Variants in TOX observed in about 807,000 individuals in gnomAD.
TOX encodes thymocyte selection-associated high mobility group box protein TOX.
In TOX, 11 loss-of-function variants were observed where a neutral mutation model predicts 53.7. That is an observed-to-expected ratio of 0.20 (90% CI 0.13 to 0.34). The LOEUF (loss-of-function observed/expected upper bound fraction) is 0.34, where lower values mean the gene tolerates loss of function less well. Among genes scored for constraint, TOX ranks in the 10% least tolerant of loss-of-function variants. TOX has a pLI of 1.00. For missense variants in TOX, 570 were observed against 664.6 expected (o/e 0.86, Z 1.56); for synonymous variants, 225 against 245.3 (o/e 0.92, Z 0.77).
In TOX at chr8:59,040,327, T is replaced by TG. The variant is rs1803554656; in HGVS notation, c.102+78558_102+78559insC. 1.6e-4 allele frequency among the ~76,000 whole-genome samples: 3 copies of TG among 18,428 alleles called. No individual in the cohort carries two copies. The Admixed American group carries it at 2.5e-3, about 15-fold the overall frequency. The allele number at this position is 18,428 out of a possible 152,430, so 12.1% of individuals were successfully genotyped here. On this transcript the variant is annotated intron_variant, in intron 1 of 8. Coordinates refer to ENST00000361421, the MANE Select transcript of TOX (RefSeq NM_014729.3). The stretch of plus-strand genomic sequence containing the variant: ...CTGGGCGACAGAGCGAGACTCCGTC[T>TG]CAAAAAAAAAAAAAAAAAAAAAAGA...
intron 1 of TOX, among the ~76,000 whole-genome samples, chr8:59,109,665 T>A (rs1804977675): frequency 2.0e-5 from 3 of 152,142 alleles, no homozygotes; most frequent in Admixed American, 2.0e-4. Flanking sequence ...ACTAGGCAAA[T>A]TATCTCTTAT....
intron 1 of TOX, among the ~76,000 whole-genome samples, chr8:59,034,112 C>T (rs1221333759): frequency 6.6e-6 from 1 of 152,164 alleles, no homozygotes; most frequent in East Asian, 1.9e-4. Flanking sequence ...TCTTGAAAAC[C>T]CTTCCTGCAA....
intron 6 of TOX, among the ~76,000 whole-genome samples, chr8:58,823,194 C>T (rs547529651): frequency 6.1e-4 from 93 of 152,172 alleles, no homozygotes; most frequent in African/African-American, 2.1e-3. Flanking sequence ...AATTAATCTG[C>T]TGGATTAGAT....
intron 1 of TOX, among the ~76,000 whole-genome samples, chr8:58,976,064 C>T (rs1391962390): frequency 1.0e-5 from 1 of 96,758 alleles, no homozygotes; most frequent in Non-Finnish European, 2.4e-5. Context: ...GAGTGAGACT[C>T]CGTCTAATAA....
chr8:58,896,604 G>T (rs1164153508), intron 3 of TOX, among the ~76,000 whole-genome samples: 1 of 152,152 alleles, frequency 6.6e-6, no homozygotes, highest in Non-Finnish European at 1.5e-5. Context: ...GAACCAGGGA[G>T]TCGGAGGTTG....
intron 1 of TOX, among the ~76,000 whole-genome samples, chr8:58,966,209 A>C (rs1488269530): frequency 6.6e-6 from 1 of 152,114 alleles, no homozygotes; most frequent in African/African-American, 2.4e-5. Flanking sequence ...ACAAGTCTTA[A>C]GTCAGTCTGC....
At chr8:59,070,465 A>G (rs1031296718) in intron 1 of TOX, among the ~76,000 whole-genome samples, 2 of 151,498 alleles carry the variant, frequency 1.3e-5, no homozygotes, top group African/African-American at 4.9e-5. Context: ...TTCAGATTCC[A>G]TAAGACAGTA....
At chr8:58,821,295 C>T (rs1313510380) in intron 6 of TOX, among the ~76,000 whole-genome samples, 6 of 151,816 alleles carry the variant, frequency 4.0e-5, no homozygotes, top group African/African-American at 1.2e-4. Context: ...GCAAATCTTT[C>T]CCCCCTCCTT....
At chr8:58,830,502 T>C (rs113417806) in intron 5 of TOX, among the ~76,000 whole-genome samples, 1 of 152,160 alleles carries the variant, frequency 6.6e-6, no homozygotes, top group African/African-American at 2.4e-5. Flanking sequence ...CTAATTGAAA[T>C]CAGCAGTTCA....
intron 2 of TOX, among the ~76,000 whole-genome samples, chr8:58,942,576 G>C (rs1812460435): frequency 6.6e-6 from 1 of 152,038 alleles, no homozygotes; most frequent in Non-Finnish European, 1.5e-5. Context: ...AAATGTCCCA[G>C]AACTTAGAAC....
At chr8:59,107,775 C>T (rs1021169074) in intron 1 of TOX, among the ~76,000 whole-genome samples, 6 of 152,074 alleles carry the variant, frequency 3.9e-5, no homozygotes, top group Admixed American at 3.9e-4. Context: ...TCCATATGAA[C>T]GTATTCTGAA....
intron 1 of TOX, among the ~76,000 whole-genome samples, chr8:59,056,865 T>C (rs1390091618): frequency 1.3e-5 from 2 of 152,220 alleles, no homozygotes; most frequent in East Asian, 3.9e-4. Context: ...CCGTTTTAAC[T>C]AGCTGCTTGG....
At chr8:59,100,842 G>A (rs1234336738) in intron 1 of TOX, among the ~76,000 whole-genome samples, 1 of 151,992 alleles carries the variant, frequency 6.6e-6, no homozygotes, top group African/African-American at 2.4e-5. Context: ...AAAGAGTTGA[G>A]CATGAACTCC....
At chr8:59,070,626 G>T (rs976873991) in intron 1 of TOX, among the ~76,000 whole-genome samples, 10 of 151,692 alleles carry the variant, frequency 6.6e-5, no homozygotes, top group South Asian at 2.1e-4. Context: ...TCTCAGTCTT[G>T]GTTAGAAGGA....
intron 3 of TOX, among the ~76,000 whole-genome samples, chr8:58,897,589 C>A (rs1009621850): frequency 6.6e-6 from 1 of 152,118 alleles, no homozygotes; most frequent in Non-Finnish European, 1.5e-5. Context: ...AAGATCCTGG[C>A]AACTGTCAGT....
At chr8:58,880,584 TTCTC>T (rs1811367197) in intron 3 of TOX, among the ~76,000 whole-genome samples, 2 of 152,280 alleles carry the variant, frequency 1.3e-5, no homozygotes, top group South Asian at 4.1e-4. Flanking sequence ...AATGCAGGCA[TTCTC>T]TCTCTTTCTG....
intron 6 of TOX, among the ~76,000 whole-genome samples, chr8:58,824,889 C>A (rs143728283): frequency 1.9e-4 from 29 of 152,176 alleles, no homozygotes; most frequent in African/African-American, 7.0e-4. Context: ...AAAAATAGAG[C>A]TTGGTTGGCA....
At chr8:59,103,042 C>T (rs1404595824) in intron 1 of TOX, among the ~76,000 whole-genome samples, 1 of 152,200 alleles carries the variant, frequency 6.6e-6, no homozygotes, top group Non-Finnish European at 1.5e-5. Context: ...TCATCAGTTT[C>T]TGCAAATAAC....
intron 1 of TOX, among the ~76,000 whole-genome samples, chr8:59,005,629 C>T (rs539258967): frequency 5.9e-5 from 9 of 152,104 alleles, no homozygotes; most frequent in Admixed American, 1.3e-4. Context: ...ACATGTACAA[C>T]CATTAATCAC....
Sources: gnomAD v4.1 joint callset for allele counts (sites outside exome capture counted in the v4.1 genomes callset) on GRCh38, gnomAD v4.1.1 for gene constraint, MANE v1.5 for transcripts, NCBI Gene and HGNC (gene_info 2026-07-23, HGNC 2026-07-21) for gene names.